The following CCDC178 variants were observed in gnomAD, a reference collection of about 807,000 sequenced individuals.
CCDC178 encodes the protein coiled-coil domain-containing protein 178.
A neutral mutation model predicts 117.4 loss-of-function variants in CCDC178; 126 were observed. That is an observed-to-expected ratio of 1.07 (90% CI 0.93 to 1.24). The LOEUF (loss-of-function observed/expected upper bound fraction) is 1.24. CCDC178 is among the 50% of genes most tolerant of loss of function. CCDC178 has a pLI of 0.00. For synonymous variants in CCDC178, 283 were observed against 313.4 expected (o/e 0.90, Z 1.02); for missense variants, 1,030 against 986.9 (o/e 1.04, Z -0.59).
chr18:33,324,355 G>T (rs1295084174), intron 10 of CCDC178, among the ~76,000 whole-genome samples: 1 of 151,888 alleles, frequency 6.6e-6, no homozygotes, highest in African/African-American at 2.4e-5. Flanking sequence ...CTGTGATGAA[G>T]AACCATGTAA....
chr18:32,954,870 T>C (rs1168677090), intron 22 of CCDC178, among the ~76,000 whole-genome samples: 4 of 152,070 alleles, frequency 2.6e-5, no homozygotes, highest in African/African-American at 9.7e-5. Context: ...CCAGGATTCA[T>C]GGAAAGGTAA....
At chr18:33,278,336 C>G (rs1459569332) in intron 12 of CCDC178, among the ~76,000 whole-genome samples, 1 of 144,278 alleles carries the variant, frequency 6.9e-6, no homozygotes, top group Non-Finnish European at 1.5e-5. Context: ...GAGAAAGAAG[C>G]CAAATCCATC....
intron 21 of CCDC178, among the ~76,000 whole-genome samples, chr18:33,081,823 TG>T (rs2057302851): frequency 6.6e-6 from 1 of 152,220 alleles, no homozygotes; most frequent in Non-Finnish European, 1.5e-5. Context: ...ATTGCCTGTG[TG>T]TGTTTTATTT....
chr18:33,185,466 A>T (rs1963306027), intron 20 of CCDC178, among the ~76,000 whole-genome samples: 1 of 152,062 alleles, frequency 6.6e-6, no homozygotes. Flanking sequence ...ATTATACTCC[A>T]GTATGTATTA....
At chr18:33,196,518 C>T (rs1274215550) in intron 20 of CCDC178, among the ~76,000 whole-genome samples, 1 of 152,092 alleles carries the variant, frequency 6.6e-6, no homozygotes, top group Non-Finnish European at 1.5e-5. Context: ...ATTATTGAAC[C>T]TCAGGGTACT....
At chr18:32,997,545 C>A (rs752288833) in intron 21 of CCDC178, among the ~76,000 whole-genome samples, 3 of 152,040 alleles carry the variant, frequency 2.0e-5, no homozygotes, top group Admixed American at 2.0e-4. Context: ...TTTTATGTGA[C>A]CCAATTCCTT....
Position 33,257,984 on chromosome 18 carries a change from T to C in CCDC178, c.1409+8932A>G, listed in dbSNP as rs80111816. Among the ~76,000 whole-genome samples, 570 of 152,236 alleles carry C rather than the reference T, an allele frequency of 3.7e-3. 5 individuals carry two copies. Among genetic ancestry groups the C allele is most frequent in the African/African-American group, 0.013 (545 of 41,558 alleles). ...CAACCAGTTTTTCCTTCATGTCTTATATCCCACCTACCAAAAGGTCCAGTT... is the reference window on the plus strand; with the variant it reads ...CAACCAGTTTTTCCTTCATGTCTTACATCCCACCTACCAAAAGGTCCAGTT... On this transcript the variant is annotated intron_variant, in intron 14 of 22. Transcript: ENST00000383096.
chr18:33,142,012 A>T (rs1171495311), intron 20 of CCDC178, among the ~76,000 whole-genome samples: 1 of 152,226 alleles, frequency 6.6e-6, no homozygotes, highest in African/African-American at 2.4e-5. Context: ...TCACCTACAG[A>T]CACCTATAAA....
chr18:33,024,593 C>G (rs755511026), intron 21 of CCDC178, among the ~76,000 whole-genome samples: 1 of 152,086 alleles, frequency 6.6e-6, no homozygotes, highest in Non-Finnish European at 1.5e-5. Context: ...AAAATTGACA[C>G]ACTTTATAAC....
chr18:33,343,044 G>A (rs1213086618), intron 9 of CCDC178, among the ~76,000 whole-genome samples: 1 of 152,026 alleles, frequency 6.6e-6, no homozygotes, highest in East Asian at 1.9e-4. Context: ...CATGTGACTG[G>A]AATGCAGTAA....
chr18:33,217,910 G>T (rs458359), intron 18 of CCDC178, among the ~76,000 whole-genome samples: 2 of 151,946 alleles, frequency 1.3e-5, no homozygotes, highest in Non-Finnish European at 2.9e-5. Context: ...AGTTAATTAA[G>T]AAACAAAGCA....
At chr18:33,249,464 C>T (rs1037397211) in intron 14 of CCDC178, among the ~76,000 whole-genome samples, 2 of 152,036 alleles carry the variant, frequency 1.3e-5, no homozygotes, top group African/African-American at 4.8e-5. Context: ...AGGAAGGGAT[C>T]CAGTTTCAGC....
At chr18:33,278,608 A>T (rs185762834) in intron 12 of CCDC178, among the ~76,000 whole-genome samples, 62 of 152,224 alleles carry the variant, frequency 4.1e-4, no homozygotes, top group African/African-American at 1.5e-3. Context: ...CAAACACAGC[A>T]ACTAGAAAAT....
chr18:33,432,465 C>T (rs530162376), intron 2 of CCDC178, among the ~76,000 whole-genome samples: 2 of 139,308 alleles, frequency 1.4e-5, no homozygotes, highest in South Asian at 2.4e-4. Flanking sequence ...ATAATTCTCT[C>T]ATGCCTTCTC....
chr18:33,245,025 A>T (rs113023244), intron 15 of CCDC178, among the ~76,000 whole-genome samples: 3 of 152,072 alleles, frequency 2.0e-5, no homozygotes, highest in African/African-American at 7.2e-5. Flanking sequence ...AATAGCAAAA[A>T]GTAGAAACAA....
chr18:33,236,910 C>G (rs1372815071), intron 15 of CCDC178, among the ~76,000 whole-genome samples: 1 of 152,152 alleles, frequency 6.6e-6, no homozygotes, highest in Non-Finnish European at 1.5e-5. Context: ...GCCCCCACTG[C>G]CACTGTAAAT....
intron 11 of CCDC178, among the ~76,000 whole-genome samples, chr18:33,312,962 C>A (rs2062362975): frequency 6.6e-6 from 1 of 152,136 alleles, no homozygotes; most frequent in African/African-American, 2.4e-5. Flanking sequence ...ATGGGGAAGC[C>A]TAATGGTTCA....
rs553581853 is a variant in CCDC178 at position 33,213,266 on chromosome 18, T to C, written c.2079-1211A>G. Among the ~76,000 whole-genome samples, 4 of 152,144 alleles carry C rather than the reference T, an allele frequency of 2.6e-5. No individual in the cohort carries two copies. The East Asian group carries it at 7.7e-4, about 29-fold the overall frequency. On this transcript the variant is annotated intron_variant, in intron 19 of 22. Coordinates refer to ENST00000383096, the MANE Select transcript of CCDC178 (RefSeq NM_001105528.4). ...ATTAAGTACTCATTTTTTTCTGCTC[T>C]TCGTTATAGCTGTTATCAGCAAATT...
At chr18:33,400,002 T>C (rs1599272594) in intron 3 of CCDC178, among the ~76,000 whole-genome samples, 1 of 152,226 alleles carries the variant, frequency 6.6e-6, no homozygotes, top group East Asian at 1.9e-4. Context: ...GGATGGATAT[T>C]GTGTAGGCAG....
Sources: gnomAD v4.1 joint callset for allele counts (sites outside exome capture counted in the v4.1 genomes callset) on GRCh38, gnomAD v4.1.1 for gene constraint, MANE v1.5 for transcripts, NCBI Gene and HGNC (gene_info 2026-07-23, HGNC 2026-07-21) for gene names.